Variants in CCAR1 observed in about 807,000 individuals in gnomAD.
CCAR1 encodes the protein cell division cycle and apoptosis regulator protein 1.
A neutral mutation model predicts 163.8 loss-of-function variants in CCAR1; 78 were observed. The observed-to-expected ratio is 0.48, with a 90% CI of 0.40 to 0.57. The LOEUF (loss-of-function observed/expected upper bound fraction) is 0.57. CCAR1 is among the 20% of genes least tolerant of loss of function. The probability of loss-of-function intolerance (pLI) is 0.00; values close to 1 mark genes in which losing one functional copy is unlikely to be tolerated. For synonymous variants in CCAR1, 443 were observed against 460.7 expected (o/e 0.96, Z 0.49); for missense variants, 1,019 against 1,365.2 (o/e 0.75, Z 4.00).
At chr10:68,734,723 G>C (rs1054424614) in intron 2 of CCAR1, among the ~76,000 whole-genome samples, 1 of 152,096 alleles carries the variant, frequency 6.6e-6, no homozygotes. Flanking sequence ...CCTGAACTTA[G>C]CCTTAGATCC....
intron 2 of CCAR1, among the ~76,000 whole-genome samples, chr10:68,724,114 C>T (rs1319751057): frequency 1.3e-5 from 2 of 149,940 alleles, no homozygotes; most frequent in Non-Finnish European, 3.0e-5. Context: ...GCCGAGATCA[C>T]ACCACCGCAC....
chr10:68,732,921 T>G (rs1225259828), intron 2 of CCAR1, among the ~76,000 whole-genome samples: 2 of 152,132 alleles, frequency 1.3e-5, no homozygotes, highest in Admixed American at 1.3e-4. Flanking sequence ...TGACTGCATC[T>G]CTGAAAAAAT....
intron 8 of CCAR1, among the ~76,000 whole-genome samples, chr10:68,747,865 C>T (rs1384663562): frequency 6.6e-6 from 1 of 151,968 alleles, no homozygotes; most frequent in East Asian, 1.9e-4. Flanking sequence ...TTGTTTGAAA[C>T]TCCAGATGTG....
intron 15 of CCAR1, 126 bp from the exon 16 acceptor site, chr10:68,760,872 CAAAAAACAA>C: frequency 5.1e-6 from 2 of 388,542 alleles, no homozygotes; most frequent in Non-Finnish European, 8.3e-6. Flanking sequence ...TCAAAAAAAA[CAAAAAACAA>C]AAAAAAAAAA....
At chr10:68,752,803 AG>A (rs889582755) in intron 10 of CCAR1, among the ~76,000 whole-genome samples, 1 of 152,112 alleles carries the variant, frequency 6.6e-6, no homozygotes, top group Non-Finnish European at 1.5e-5. Flanking sequence ...CTAGGAATTC[AG>A]GTTATAGCAA....
chr10:68,740,737 T>C, intron 5 of CCAR1, 76 bp downstream of exon 5: 1 of 1,191,632 alleles, frequency 8.4e-7, no homozygotes, highest in East Asian at 2.4e-5. Flanking sequence ...ATTCTACTTT[T>C]TCTTTCAGGG....
In CCAR1 at chr10:68,775,687, C is replaced by CTTTTTTT. The variant is rs71028782; in HGVS notation, c.2650+2609_2650+2615dup. The stretch of plus-strand genomic sequence containing the variant: ...ACCACGCCCAGCTAATTTTTCTTTT[C>CTTTTTTT]TTTTTTTTTTTTTTTTTTTTTTTTT... On this transcript the variant is annotated intron_variant, in intron 19 of 24. Transcript: ENST00000265872. 4.4e-3 allele frequency among the ~76,000 whole-genome samples: 229 copies of CTTTTTTT among 51,748 alleles called. 25 individuals are homozygous for CTTTTTTT. The highest frequency in any genetic ancestry group is 0.019 in the African/African-American group (218 of 11,780). The allele number at this position is 51,748 out of a possible 152,430, so 33.9% of individuals were successfully genotyped here. A position where few individuals can be genotyped will look rare whatever the true frequency, so the allele number is the denominator to read the frequency against.
chr10:68,763,932 A>T (rs2056505635), intron 16 of CCAR1, among the ~76,000 whole-genome samples: 1 of 152,176 alleles, frequency 6.6e-6, no homozygotes, highest in Admixed American at 6.5e-5. Context: ...TCATTTCCCC[A>T]GGAAGCCCTG....
Position 68,737,050 on chromosome 10 carries a change from T to TA in CCAR1, c.246+5dup. ...GCTGCAGCAGCTGCATTACAACAGG[T>TA]AAATCTTTAATATGTCTTATTATTT... On this transcript the variant is annotated splice_region_variant and intron_variant, in intron 3 of 24. Coordinates refer to ENST00000265872, the MANE Select transcript of CCAR1 (RefSeq NM_018237.4). The TA allele has an allele frequency of 6.2e-7, 1 of 1,606,810 alleles. No homozygotes were observed. The highest frequency in any genetic ancestry group is 1.7e-4 in the Middle Eastern group (1 of 6,040).
chr10:68,760,163 T>C (rs1258357479), intron 15 of CCAR1, among the ~76,000 whole-genome samples: 1 of 152,128 alleles, frequency 6.6e-6, no homozygotes, highest in Non-Finnish European at 1.5e-5. Flanking sequence ...ATTTGTTTAT[T>C]TACTTAACTT....
chr10:68,730,446 T>C (rs941623876), intron 2 of CCAR1, among the ~76,000 whole-genome samples: 1 of 151,790 alleles, frequency 6.6e-6, no homozygotes, highest in Non-Finnish European at 1.5e-5. Context: ...CAAGTGATTC[T>C]CCTGCCTCAG....
intron 1 of CCAR1, among the ~76,000 whole-genome samples, chr10:68,722,019 T>TGGG (rs1247052964): frequency 6.6e-6 from 1 of 152,206 alleles, no homozygotes; most frequent in African/African-American, 2.4e-5. Context: ...ATACCTGTGA[T>TGGG]GGGGGTCTTG....
At position 68,723,850 on chromosome 10, in the gene CCAR1, AAAG is replaced by A; in HGVS notation, c.73+1276_73+1278del. ...GTGACAGAGCAGGACTCCATCTCAA[AAAG>A]AAAAAAAAAAAAAGGTAAATTTAGG... On this transcript the variant is annotated intron_variant, in intron 2 of 24. Coordinates refer to ENST00000265872, the MANE Select transcript of CCAR1 (RefSeq NM_018237.4). 9.3e-5 allele frequency among the ~76,000 whole-genome samples: 3 copies of A among 32,214 alleles called. No homozygotes were observed. The Middle Eastern group carries it at 0.026, about 278-fold the overall frequency. The allele number at this position is 32,214 out of a possible 152,430, so 21.1% of individuals were successfully genotyped here.
At chr10:68,747,120 T>A (rs750589113) in intron 6 of CCAR1, 41 bp from the exon 7 acceptor site, 25 of 1,010,328 alleles carry the variant, frequency 2.5e-5, no homozygotes, top group Non-Finnish European at 2.5e-5. Context: ...CTATTTTAAT[T>A]GTATTTATAT....
chr10:68,737,994 T>TA, intron 4 of CCAR1, 105 bp downstream of exon 4: 12 of 770,132 alleles, frequency 1.6e-5, no homozygotes, highest in Non-Finnish European at 2.5e-5. Flanking sequence ...TAACATGTGA[T>TA]ACAAATTTTT....
intron 9 of CCAR1, 67 bp from the exon 10 acceptor site, chr10:68,749,453 CTATT>C (rs1296323789): frequency 2.0e-5 from 28 of 1,367,526 alleles, no homozygotes; most frequent in Middle Eastern, 3.9e-4. Flanking sequence ...ATTACCTACT[CTATT>C]TACTTCATTG....
At chr10:68,741,437 T>C (rs2056182824) in intron 5 of CCAR1, among the ~76,000 whole-genome samples, 2 of 152,234 alleles carry the variant, frequency 1.3e-5, no homozygotes, top group African/African-American at 4.8e-5. Context: ...TCACATACTC[T>C]TTTTCTATTT....
At chr10:68,748,932 C>G (rs964375848) in intron 8 of CCAR1, among the ~76,000 whole-genome samples, 1 of 152,028 alleles carries the variant, frequency 6.6e-6, no homozygotes, top group African/African-American at 2.4e-5. Flanking sequence ...CCTATTTCGG[C>G]CTCCCAAAGT....
intron 10 of CCAR1, among the ~76,000 whole-genome samples, chr10:68,752,141 A>G (rs896362710): frequency 2.6e-5 from 4 of 151,756 alleles, no homozygotes; most frequent in Non-Finnish European, 4.4e-5. Flanking sequence ...GATGGTCTCC[A>G]TCTCCTGACC....
Sources: allele counts gnomAD v4.1 joint callset (sites outside exome capture counted in the v4.1 genomes callset), GRCh38; gene constraint gnomAD v4.1.1; transcripts MANE v1.5; gene names NCBI Gene and HGNC (gene_info 2026-07-23, HGNC 2026-07-21).